The following EYS variants were observed in gnomAD, a reference collection of about 807,000 sequenced individuals.
The protein encoded by EYS is EGF-like photoreceptor maintenance factor.
A neutral mutation model predicts 282.1 loss-of-function variants in EYS; 250 were observed. That is an observed-to-expected ratio of 0.89 (90% CI 0.80 to 0.98). EYS has a LOEUF of 0.98. Among genes scored for constraint, EYS ranks in the 50% least tolerant of loss-of-function variants. EYS has a pLI of 0.00. For missense variants in EYS, 4,016 were observed against 3,709.0 expected (o/e 1.08, Z -2.15); for synonymous variants, 1,355 against 1,282.9 (o/e 1.06, Z -1.20).
chr6:63,726,023 A>G (rs1768601124), intron 42 of EYS, among the ~76,000 whole-genome samples: 1 of 152,158 alleles, frequency 6.6e-6, no homozygotes, highest in Non-Finnish European at 1.5e-5. Flanking sequence ...TGGATACTTT[A>G]TTTCATATTT....
At position 65,544,000 on chromosome 6, in the gene EYS, A is replaced by AAG. The variant is rs1162205156; in HGVS notation, c.-332-48009_-332-48008dup. 1.7e-3 allele frequency among the ~76,000 whole-genome samples: 138 copies of AAG among 82,566 alleles called. 2 individuals carry two copies. The highest frequency in any genetic ancestry group is 5.9e-3 in the African/African-American group (125 of 21,214). The allele number at this position is 82,566 out of a possible 152,430, so 54.2% of individuals were successfully genotyped here. A position where few individuals can be genotyped will look rare whatever the true frequency, so the allele number is the denominator to read the frequency against. ...TTCCCACTTATTACTGAAAAAGAGA[A>AAG]AGTGTGTGTGTGTGTGTGTGTGTGT... On this transcript the variant is annotated intron_variant, in intron 2 of 42. Coordinates refer to ENST00000503581, the MANE Select transcript of EYS (RefSeq NM_001142800.2).
At chr6:65,237,663 C>T (rs1056394684) in intron 12 of EYS, among the ~76,000 whole-genome samples, 1 of 152,108 alleles carries the variant, frequency 6.6e-6, no homozygotes, top group African/African-American at 2.4e-5. Flanking sequence ...GTCTGTTCCT[C>T]ATTTACGATT....
chr6:64,123,391 C>A (rs11970465), intron 31 of EYS, among the ~76,000 whole-genome samples: 2 of 152,178 alleles, frequency 1.3e-5, no homozygotes, highest in African/African-American at 4.8e-5. Context: ...TAAATTGATT[C>A]TTTTAGTTGA....
At chr6:64,682,349 C>G (rs1003619357) in intron 22 of EYS, among the ~76,000 whole-genome samples, 7 of 152,050 alleles carry the variant, frequency 4.6e-5, no homozygotes, top group African/African-American at 1.7e-4. Context: ...GCCTGGGAGA[C>G]AGAGGGAGAC....
At chr6:63,950,815 C>T (rs915058223) in intron 35 of EYS, among the ~76,000 whole-genome samples, 1 of 152,184 alleles carries the variant, frequency 6.6e-6, no homozygotes, top group African/African-American at 2.4e-5. Context: ...CTTGGTGCCA[C>T]CCTTCAATCT....
At chr6:65,566,216 T>C (rs999535922) in intron 2 of EYS, among the ~76,000 whole-genome samples, 3 of 151,946 alleles carry the variant, frequency 2.0e-5, no homozygotes, top group Non-Finnish European at 4.4e-5. Flanking sequence ...ATGGTGGAGT[T>C]TGACCTTCCA....
chr6:65,402,806 C>G lies in EYS; in HGVS notation c.1057-201G>C, dbSNP rs542703214. Among the ~76,000 whole-genome samples, 3 of 152,162 alleles carry G rather than the reference C, an allele frequency of 2.0e-5. No individual in the cohort carries two copies. In the East Asian group the frequency reaches 5.8e-4, roughly 29 times the overall value. ...ACACACTCTTCCTGCTATGTGAAAT[C>G]AAAGCTCCTCTATTAAGAGTTAGCA... On this transcript the variant is annotated intron_variant, in intron 6 of 42. Transcript: ENST00000503581.
intron 22 of EYS, among the ~76,000 whole-genome samples, chr6:64,719,108 A>G (rs1023284149): frequency 2.6e-5 from 4 of 152,190 alleles, no homozygotes; most frequent in Non-Finnish European, 4.4e-5. Context: ...GAAGGCGGGC[A>G]AGTGATGTGG....
intron 31 of EYS, among the ~76,000 whole-genome samples, chr6:64,141,340 A>G (rs549105620): frequency 1.3e-5 from 2 of 152,336 alleles, no homozygotes; most frequent in Admixed American, 1.3e-4. Context: ...GAATAAAGTG[A>G]TATTTGATCA....
chr6:64,494,252 A>G (rs1294336725), intron 26 of EYS, among the ~76,000 whole-genome samples: 1 of 151,656 alleles, frequency 6.6e-6, no homozygotes, highest in Non-Finnish European at 1.5e-5. Context: ...CAGAGCAGCT[A>G]AAGTTATTTT....
At chr6:65,449,654 T>C (rs957094071) in intron 5 of EYS, among the ~76,000 whole-genome samples, 4 of 152,204 alleles carry the variant, frequency 2.6e-5, no homozygotes, top group Non-Finnish European at 4.4e-5. Context: ...TACACAAAGA[T>C]GATTTTGGTA....
chr6:65,402,166 T>C lies in EYS; in HGVS notation c.1184+312A>G, dbSNP rs1766533505. Among the ~76,000 whole-genome samples, 3 of 149,074 alleles carry C rather than the reference T, an allele frequency of 2.0e-5. No individual in the cohort carries two copies. In the South Asian group the frequency reaches 6.2e-4, roughly 31 times the overall value. ...AAATAATACTATGGAGACATATCTC[T>C]CTCTTTTCTTTCTAGATCTTCAATT... On this transcript the variant is annotated intron_variant, in intron 7 of 42. Coordinates refer to ENST00000503581, the MANE Select transcript of EYS (RefSeq NM_001142800.2).
intron 31 of EYS, among the ~76,000 whole-genome samples, chr6:64,216,773 G>A (rs1357070594): frequency 6.6e-6 from 1 of 152,166 alleles, no homozygotes; most frequent in African/African-American, 2.4e-5. Flanking sequence ...GTCCGAAGAA[G>A]TCCAGAGCAA....
At chr6:64,805,410 T>C (rs1176197420) in intron 22 of EYS, among the ~76,000 whole-genome samples, 1 of 152,004 alleles carries the variant, frequency 6.6e-6, no homozygotes, top group East Asian at 1.9e-4. Context: ...TGGTTTACCA[T>C]CACATTTAGT....
chr6:64,033,788 A>T (rs1264225806), intron 33 of EYS, among the ~76,000 whole-genome samples: 1 of 151,920 alleles, frequency 6.6e-6, no homozygotes, highest in Non-Finnish European at 1.5e-5. Context: ...GTATACATAC[A>T]TTCAATTGTT....
rs34727951 is a variant in EYS, at chr6:64,186,248, TACACACACAC to T, written c.6424+44334_6424+44343del. Among the ~76,000 whole-genome samples the T allele has an allele frequency of 3.8e-3, 559 of 147,068 alleles. 4 individuals carry two copies. The highest frequency in any genetic ancestry group is 0.012 in the African/African-American group (496 of 39,984). On this transcript the variant is annotated intron_variant, in intron 31 of 42. Coordinates refer to ENST00000503581, the MANE Select transcript of EYS (RefSeq NM_001142800.2). ...GGTATACAGGCTTATATGTGTGTTT[TACACACACAC>T]ACACACACACACACACACACACACA...
chr6:63,781,343 A>T (rs1168343726), intron 39 of EYS, among the ~76,000 whole-genome samples: 1 of 152,178 alleles, frequency 6.6e-6, no homozygotes, highest in East Asian at 1.9e-4. Flanking sequence ...CTTGGGCAGT[A>T]TGGCCATTTT....
intron 2 of EYS, among the ~76,000 whole-genome samples, chr6:65,566,751 G>A (rs1162977668): frequency 6.6e-6 from 1 of 152,038 alleles, no homozygotes; most frequent in African/African-American, 2.4e-5. Flanking sequence ...TAAAAAGTAA[G>A]AAAATTATAC....
At chr6:64,506,185 T>C (rs773802159) in intron 26 of EYS, among the ~76,000 whole-genome samples, 2 of 152,198 alleles carry the variant, frequency 1.3e-5, no homozygotes, top group Non-Finnish European at 2.9e-5. Flanking sequence ...CTGATGTAAG[T>C]GAATTATAGA....
Sources: allele counts gnomAD v4.1 joint callset (sites outside exome capture counted in the v4.1 genomes callset), GRCh38; gene constraint gnomAD v4.1.1; transcripts MANE v1.5; gene names NCBI Gene and HGNC (gene_info 2026-07-23, HGNC 2026-07-21).